The following RGS7 variants were observed in gnomAD, a reference collection of about 807,000 sequenced individuals.
The protein encoded by RGS7 is regulator of G-protein signaling 7.
Under a neutral mutation model 81.1 loss-of-function variants are expected in RGS7, and 27 were observed. The ratio of observed to expected loss-of-function variants is 0.33; its 90% confidence interval spans 0.25 to 0.46. The LOEUF is 0.46. Among genes scored for constraint, RGS7 ranks in the 20% least tolerant of loss-of-function variants. RGS7 has a pLI of 1.00. For missense variants in RGS7, 396 were observed against 607.4 expected (o/e 0.65, Z 3.66); for synonymous variants, 208 against 207.7 (o/e 1.00, Z -0.01).
At chr1:241,019,403 A>C (rs111350965) in intron 3 of RGS7, among the ~76,000 whole-genome samples, 13,694 of 152,072 alleles carry the variant, frequency 0.09, 674 homozygotes, top group Middle Eastern at 0.16. Context: ...CATGTGCGCA[A>C]CATGCAGGTT....
intron 2 of RGS7, among the ~76,000 whole-genome samples, chr1:241,302,561 C>A (rs2079836016): frequency 6.6e-6 from 1 of 152,166 alleles, no homozygotes; most frequent in South Asian, 2.1e-4. Context: ...AACAAACAAA[C>A]AAACAAACAA....
chr1:240,818,458 A>G (rs563067121), intron 10 of RGS7, among the ~76,000 whole-genome samples: 3 of 152,328 alleles, frequency 2.0e-5, no homozygotes, highest in Admixed American at 6.5e-5. Flanking sequence ...ATATAAAGTG[A>G]TTTAATTTAC....
At chr1:240,951,089 T>A (rs986816250) in intron 4 of RGS7, among the ~76,000 whole-genome samples, 5 of 144,668 alleles carry the variant, frequency 3.5e-5, no homozygotes, top group African/African-American at 1.4e-4. Context: ...ACCGGGCTAA[T>A]TTTTTTTATT....
At chr1:240,844,840 C>A (rs958361737) in intron 9 of RGS7, among the ~76,000 whole-genome samples, 1 of 152,156 alleles carries the variant, frequency 6.6e-6, no homozygotes, top group Non-Finnish European at 1.5e-5. Context: ...CTCAAGGTAT[C>A]AGTAATGAGA....
intron 2 of RGS7, among the ~76,000 whole-genome samples, chr1:241,343,705 T>C (rs1409992408): frequency 1.3e-5 from 2 of 152,116 alleles, no homozygotes; most frequent in South Asian, 2.1e-4. Context: ...GGTAGGGGAA[T>C]GGGAAATTAT....
At chr1:241,273,143 G>C (rs548052544) in intron 2 of RGS7, among the ~76,000 whole-genome samples, 3 of 148,516 alleles carry the variant, frequency 2.0e-5, no homozygotes, top group Non-Finnish European at 4.4e-5. Flanking sequence ...TATAGGTAAA[G>C]TATTATTACA....
chr1:241,009,799 T>C (rs1372063922), intron 3 of RGS7, among the ~76,000 whole-genome samples: 3 of 152,038 alleles, frequency 2.0e-5, no homozygotes, highest in African/African-American at 7.2e-5. Flanking sequence ...AACTAGAAAG[T>C]GGAAGAAATA....
chr1:241,078,619 T>C (rs1287545512), intron 3 of RGS7, among the ~76,000 whole-genome samples: 1 of 152,022 alleles, frequency 6.6e-6, no homozygotes, highest in Non-Finnish European at 1.5e-5. Context: ...TCCATATATA[T>C]TAGATTAACC....
At position 241,244,093 on chromosome 1, in the gene RGS7, G is replaced by A. The variant is rs554404108; in HGVS notation, c.78+111606C>T. On this transcript the variant is annotated intron_variant, in intron 2 of 18. Coordinates refer to ENST00000440928, the MANE Select transcript of RGS7 (RefSeq NM_001364886.1). ...TATGAACTTAAACTGACCTATCCAGGTACATATTATTATTTTCTTAGAAAA... is the reference window on the plus strand; with the variant it reads ...TATGAACTTAAACTGACCTATCCAGATACATATTATTATTTTCTTAGAAAA... Among the ~76,000 whole-genome samples the A allele has an allele frequency of 5.3e-5, 8 of 152,076 alleles. No homozygotes were observed. The East Asian group carries it at 1.2e-3, about 22-fold the overall frequency.
chr1:240,857,797 C>A (rs1037275702), intron 9 of RGS7, among the ~76,000 whole-genome samples: 1 of 152,048 alleles, frequency 6.6e-6, no homozygotes, highest in Non-Finnish European at 1.5e-5. Context: ...TCCCGTAATC[C>A]CCATGTGTTG....
intron 9 of RGS7, among the ~76,000 whole-genome samples, chr1:240,834,916 C>CCACACACACA (rs67071227): frequency 9.0e-5 from 13 of 144,518 alleles, no homozygotes; most frequent in African/African-American, 1.5e-4. Flanking sequence ...ACCTTACACT[C>CCACACACACA]CACACACACA....
At position 241,083,254 on chromosome 1, in the gene RGS7, G is replaced by GAAACAAAACAAAACAAAACA. The variant is rs149562159; in HGVS notation, c.175+15392_175+15411dup. Among the ~76,000 whole-genome samples the GAAACAAAACAAAACAAAACA allele has an allele frequency of 3.0e-3, 432 of 142,134 alleles. 6 individuals are homozygous for GAAACAAAACAAAACAAAACA. Among genetic ancestry groups the GAAACAAAACAAAACAAAACA allele is most frequent in the African/African-American group, 0.011 (415 of 38,268 alleles). 93.2% of individuals were successfully genotyped at this position (142,134 alleles called of 152,430 possible). Reference sequence around the variant, plus strand: ...AAAAAAAAAAAAAGAAAAAGAAAAAGAAACAAAACAAAACAAAACAAAACA... The same window carrying GAAACAAAACAAAACAAAACA: ...AAAAAAAAAAAAAGAAAAAGAAAAAGAAACAAAACAAAACAAAACAAAACAAAACAAAACAAAACAAAACA... On this transcript the variant is annotated intron_variant, in intron 3 of 18. Transcript: ENST00000440928.
At chr1:240,996,652 CT>C (rs764654854) in intron 3 of RGS7, among the ~76,000 whole-genome samples, 2 of 152,046 alleles carry the variant, frequency 1.3e-5, no homozygotes, top group Non-Finnish European at 2.9e-5. Context: ...CACAACACAT[CT>C]TTTTTCTATT....
At chr1:240,970,247 G>C (rs541395800) in intron 4 of RGS7, among the ~76,000 whole-genome samples, 2 of 152,164 alleles carry the variant, frequency 1.3e-5, no homozygotes, top group African/African-American at 4.8e-5. Context: ...CTTTATCAAC[G>C]GGAAAGATGG....
At chr1:241,215,680 C>T (rs79159029) in intron 2 of RGS7, among the ~76,000 whole-genome samples, 3 of 152,256 alleles carry the variant, frequency 2.0e-5, no homozygotes, top group South Asian at 4.2e-4. Flanking sequence ...AGATATTATT[C>T]GGGAAGTCCT....
At chr1:241,244,444 A>AG (rs2076418733) in intron 2 of RGS7, among the ~76,000 whole-genome samples, 1 of 152,198 alleles carries the variant, frequency 6.6e-6, no homozygotes, top group African/African-American at 2.4e-5. Context: ...ATCATTAAAA[A>AG]GTCAGGAAAC....
chr1:241,067,593 C>G (rs1158925120), intron 3 of RGS7, among the ~76,000 whole-genome samples: 4 of 151,258 alleles, frequency 2.6e-5, no homozygotes, highest in African/African-American at 9.7e-5. Context: ...GATCTCGGCT[C>G]ACTGCAACCT....
intron 10 of RGS7, chr1:240,823,049 G>T: frequency 3.0e-6 from 2 of 669,032 alleles, no homozygotes; most frequent in South Asian, 1.7e-5. Context: ...AAATCTAGTC[G>T]TTTCTTAGCC....
At chr1:241,156,312 A>G (rs1023461144) in intron 2 of RGS7, among the ~76,000 whole-genome samples, 1 of 151,888 alleles carries the variant, frequency 6.6e-6, no homozygotes, top group Non-Finnish European at 1.5e-5. Context: ...CCACCTGGGC[A>G]ACAAAGCAAG....
Sources: allele counts gnomAD v4.1 joint callset (sites outside exome capture counted in the v4.1 genomes callset), GRCh38; gene constraint gnomAD v4.1.1; transcripts MANE v1.5; gene names NCBI Gene and HGNC (gene_info 2026-07-23, HGNC 2026-07-21).